CARTPT: variants seen among roughly 807,000 people sequenced by gnomAD.
The protein encoded by CARTPT is CART prepropeptide, also known as cocaine- and amphetamine-regulated transcript protein.
In CARTPT, 6 loss-of-function variants were observed where a neutral mutation model predicts 12.2. That is an observed-to-expected ratio of 0.49 (90% CI 0.27 to 0.97). The LOEUF (loss-of-function observed/expected upper bound fraction) is 0.97. Among genes scored for constraint, CARTPT ranks in the 50% least tolerant of loss-of-function variants. The pLI, the probability that CARTPT is intolerant of heterozygous loss-of-function variation, is 0.12. For missense variants in CARTPT, 135 were observed against 142.0 expected, an observed-to-expected ratio of 0.95 and a Z score of 0.25; for synonymous variants, 75 against 64.1, an observed-to-expected ratio of 1.17 and a Z score of -0.82.
Position 71,719,351 on chromosome 5 carries a change from C to T in CARTPT, c.58C>T (p.Leu20=). ...PLLGAALLLM[L]PLLGTRAQED... Reference sequence around the variant, plus strand: ...CCTGGGCGCCGCCCTGCTGCTGATGCTACCTCTGTTGGGTACCCGTGCCCA... The same window carrying T: ...CCTGGGCGCCGCCCTGCTGCTGATGTTACCTCTGTTGGGTACCCGTGCCCA... Residue 20 remains leucine, a synonymous_variant, in exon 1 of 3, where the codon CTA becomes TTA. Coordinates refer to ENST00000296777, the MANE Select transcript of CARTPT (RefSeq NM_004291.4). 1.2e-6 allele frequency: 2 copies of T among 1,614,034 alleles called. No individual in the cohort carries two copies. The highest frequency in any genetic ancestry group is 1.7e-6 in the Non-Finnish European group (2 of 1,180,016).
In CARTPT at chr5:71,720,552, C is replaced by G. The variant is rs759335439; in HGVS notation, c.288C>G (p.Ile96Met). 1 of 1,613,236 alleles carries G rather than the reference C, an allele frequency of 6.2e-7. No homozygotes were observed. The highest frequency in any genetic ancestry group is 1.1e-5 in the South Asian group (1 of 90,668). Residue 96 changes from isoleucine (I) to methionine (M), a missense_variant, in exon 3 of 3, where the codon ATC becomes ATG. Coordinates refer to ENST00000296777, the MANE Select transcript of CARTPT (RefSeq NM_004291.4). ...EQCAVRKGARIGKLCDCPRGT... is the reference protein window; with the variant it reads ...EQCAVRKGARMGKLCDCPRGT... ...GTGCAGTGAGGAAAGGGGCAAGGAT[C>G]GGGAAGCTGTGTGACTGTCCCCGAG... is the stretch of plus-strand genomic sequence containing the variant.
rs1748691900 is a variant in CARTPT, at chr5:71,720,707, T to TA, written c.*95dup. 2.0e-6 allele frequency: 2 copies of TA among 981,984 alleles called. No homozygotes were observed. Among genetic ancestry groups the TA allele is most frequent in the Non-Finnish European group, 3.2e-6 (2 of 627,384 alleles). 60.8% of individuals were successfully genotyped at this position (981,984 alleles called of 1,614,324 possible). A position where few individuals can be genotyped will look rare whatever the true frequency, so the allele number is the denominator to read the frequency against. On this transcript the variant is annotated 3_prime_UTR_variant, in exon 3 of 3. Coordinates refer to ENST00000296777, the MANE Select transcript of CARTPT (RefSeq NM_004291.4). Reference sequence around the variant, plus strand: ...CCTGGAGTTTGGCTTAAGCAACAGATAAAGTTTTTATTTTCCTCTGAAGGG... The same window carrying TA: ...CCTGGAGTTTGGCTTAAGCAACAGATAAAAGTTTTTATTTTCCTCTGAAGGG...
In CARTPT at chr5:71,719,914, A is replaced by C. The variant is rs1219584287; in HGVS notation, c.194A>C (p.Lys65Thr). The C allele has an allele frequency of 6.2e-7, 1 of 1,614,122 alleles. No homozygotes were observed. Among genetic ancestry groups the C allele is most frequent in the Non-Finnish European group, 8.5e-7 (1 of 1,180,056 alleles). ...CTGCAAGAAGTCTTGAAGAAGCTCA[A>C]GAGTAAACGTGTTCCCATCTATGAG... ...EALQEVLKKLKSKRVPIYEKK... is the reference protein window; with the variant it reads ...EALQEVLKKLTSKRVPIYEKK... Residue 65 changes from lysine to threonine, a missense_variant, in exon 2 of 3, where the codon AAG (lysine) becomes ACG (threonine). Physicochemically the swap from Lys to Thr is moderately conservative, Grantham distance 78 (BLOSUM62 -1). Coordinates refer to ENST00000296777, the MANE Select transcript of CARTPT (RefSeq NM_004291.4).
chr5:71,720,759 A>G lies in CARTPT; in HGVS notation c.*144A>G, dbSNP rs1748693052. On this transcript the variant is annotated 3_prime_UTR_variant, in exon 3 of 3. Coordinates refer to ENST00000296777, the MANE Select transcript of CARTPT (RefSeq NM_004291.4). ...AAGGGCTCTTTTCCTGCTGTTTCAA[A>G]AATAAAAGAACACATTAGATGTTAC... is the stretch of plus-strand genomic sequence containing the variant. 4.2e-6 allele frequency: 3 copies of G among 711,562 alleles called. No individual in the cohort carries two copies. The highest frequency in any genetic ancestry group is 7.6e-6 in the Non-Finnish European group (3 of 393,678). The allele number at this position is 711,562 out of a possible 1,614,324, so 44.1% of individuals were successfully genotyped here.
intron 1 of CARTPT, 127 bp from the exon 2 acceptor site, chr5:71,719,753 G>T: frequency 1.1e-6 from 1 of 897,610 alleles, no homozygotes. Flanking sequence ...CATTCCCTGT[G>T]TCCGCGGAGT....
At chr5:71,720,069 A>G in intron 2 of CARTPT, 106 bp downstream of exon 2, 1 of 1,007,856 alleles carries the variant, frequency 9.9e-7, no homozygotes, top group Non-Finnish European at 1.6e-6. Context: ...TAACTTAGGT[A>G]ATGGGCTTGC....
Position 71,719,961 on chromosome 5 carries a change from A to G in CARTPT, c.241A>G (p.Met81Val), listed in dbSNP as rs1748674057. ...IYEKKYGQVP[M>V]CDAGEQCAVR... The stretch of plus-strand genomic sequence containing the variant: ...TGAGAAGAAGTATGGCCAAGTCCCC[A>G]TGGTAAGGTTTGTGGTCACTCCCTT... Residue 81 changes from methionine to valine, a missense_variant and splice_region_variant, in exon 2 of 3, where the codon ATG becomes GTG. Transcript: ENST00000296777. 6.2e-7 allele frequency: 1 copy of G among 1,613,808 alleles called. No individual in the cohort carries two copies. The highest frequency in any genetic ancestry group is 1.1e-5 in the South Asian group (1 of 91,082).
rs776647375 is a variant in CARTPT at position 71,719,278 on chromosome 5, G to A, written c.-16G>A. On this transcript the variant is annotated 5_prime_UTR_variant, in exon 1 of 3. Transcript: ENST00000296777. The stretch of plus-strand genomic sequence containing the variant: ...TGGGAGCGCGTGGTGCCCCAGCAAC[G>A]ACGAGTTTCAGAACGATGGAGAGCT... 1 of 1,609,582 alleles carries A rather than the reference G, an allele frequency of 6.2e-7. No individual in the cohort carries two copies. Among genetic ancestry groups the A allele is most frequent in the African/African-American group, 1.3e-5 (1 of 75,012 alleles).
rs990164527 is a variant in CARTPT at position 71,720,929 on chromosome 5, G to C, written c.*314G>C. ...ATTTTTGTATGTGGCATGGCAGAAT[G>C]AAAATTAGATCTAGCTAATCTCGGT... On this transcript the variant is annotated 3_prime_UTR_variant, in exon 3 of 3. Coordinates refer to ENST00000296777, the MANE Select transcript of CARTPT (RefSeq NM_004291.4). 5.7e-6 allele frequency: 2 copies of C among 351,788 alleles called. No homozygotes were observed. Among genetic ancestry groups the C allele is most frequent in the Non-Finnish European group, 1.1e-5 (2 of 184,758 alleles). 21.8% of individuals were successfully genotyped at this position (351,788 alleles called of 1,614,324 possible).
chr5:71,719,570 G>A (rs1190680806), intron 1 of CARTPT, 118 bp downstream of exon 1: 2 of 1,280,582 alleles, frequency 1.6e-6, no homozygotes, highest in Non-Finnish European at 2.2e-6. Flanking sequence ...GGGGAGCTGA[G>A]CGCAACGCCC....
At chr5:71,719,642 G>A (rs930769120) in intron 1 of CARTPT, 190 bp downstream of exon 1, 1 of 781,278 alleles carries the variant, frequency 1.3e-6, no homozygotes, top group African/African-American at 1.7e-5. Flanking sequence ...TCTGTTGAGC[G>A]AATCCCTCAT....
In CARTPT at chr5:71,720,949, C is replaced by T. The variant is rs1236096356; in HGVS notation, c.*334C>T. 3.0e-6 allele frequency: 1 copy of T among 337,426 alleles called. No homozygotes were observed. Among genetic ancestry groups the T allele is most frequent in the East Asian group, 7.1e-5 (1 of 14,108 alleles). The allele number at this position is 337,426 out of a possible 1,614,324, so 20.9% of individuals were successfully genotyped here. A position where few individuals can be genotyped will look rare whatever the true frequency, so the allele number is the denominator to read the frequency against. ...AGAATGAAAATTAGATCTAGCTAAT[C>T]TCGGTAGATGTCATTACAACCTGGA... On this transcript the variant is annotated 3_prime_UTR_variant, in exon 3 of 3. Transcript: ENST00000296777.
At chr5:71,719,695 C>T (rs1748667325) in intron 1 of CARTPT, 185 bp from the exon 2 acceptor site, 3 of 753,982 alleles carry the variant, frequency 4.0e-6, no homozygotes, top group Non-Finnish European at 6.8e-6. Flanking sequence ...GCTCAGAGAC[C>T]CGCGGTCAGT....
At chr5:71,720,313 T>C (rs1398064919) in intron 2 of CARTPT, among the ~76,000 whole-genome samples, 195 bp from the exon 3 acceptor site, 3 of 152,178 alleles carry the variant, frequency 2.0e-5, no homozygotes, top group African/African-American at 7.2e-5. Flanking sequence ...TGTAAGTTTC[T>C]TTAAAAAATG....
chr5:71,719,439 A>T lies in CARTPT; in HGVS notation c.146A>T (p.His49Leu), dbSNP rs956790167. ...TACTCTGCCGTGGATGATGCCTCCC[A>T]CGAGAAGGAGCTGGTCGGTATTCCC... ...DIYSAVDDAS[H>L]EKELIEALQE... Residue 49 changes from histidine to leucine, a missense_variant, in exon 1 of 3, where the codon CAC (histidine) becomes CTC (leucine). By Grantham distance (99) the His-to-Leu change is moderately conservative (BLOSUM62 -3). Transcript: ENST00000296777. 50 of 1,613,830 alleles carry T rather than the reference A, an allele frequency of 3.1e-5. No homozygotes were observed. The highest frequency in any genetic ancestry group is 4.1e-5 in the Non-Finnish European group (48 of 1,179,988).
Position 71,719,309 on chromosome 5 carries a change from G to C in CARTPT, c.16G>C (p.Val6Leu). The change falls in exon 1 of 3, where the codon GTG becomes CTG. Residue 6 changes from valine to leucine, a missense_variant. Transcript: ENST00000296777. MESSR[V>L]RLLPLLGAAL... The stretch of plus-strand genomic sequence containing the variant: ...TTTCAGAACGATGGAGAGCTCCCGC[G>C]TGAGGCTGCTGCCCCTCCTGGGCGC... 1.9e-6 allele frequency: 3 copies of C among 1,612,744 alleles called. No individual in the cohort carries two copies. Among genetic ancestry groups the C allele is most frequent in the Non-Finnish European group, 2.5e-6 (3 of 1,180,010 alleles).
intron 2 of CARTPT, 131 bp downstream of exon 2, chr5:71,720,094 T>C (rs191051619): frequency 1.3e-6 from 1 of 794,804 alleles, no homozygotes; most frequent in South Asian, 1.4e-5. Context: ...TTCTGTGGGC[T>C]CCTTCTTCCT....
chr5:71,719,557 C>A, intron 1 of CARTPT, 105 bp downstream of exon 1: 1 of 1,418,276 alleles, frequency 7.1e-7, no homozygotes, highest in Non-Finnish European at 9.8e-7. Context: ...AGAGTCAGGG[C>A]GCGGGGAGCT....
chr5:71,719,805 A>G lies in CARTPT; in HGVS notation c.160-75A>G, dbSNP rs578021691. The G allele has an allele frequency of 8.0e-6, 11 of 1,381,566 alleles. No homozygotes were observed. The African/African-American group carries it at 1.1e-4, about 14-fold the overall frequency. 85.6% of individuals were successfully genotyped at this position (1,381,566 alleles called of 1,614,324 possible). ...TGTGGGTCCGGGGCTCCTTATAACT[A>G]GGGCTGGAAGTGCGCACCTGGGCTG... On this transcript the variant is annotated intron_variant, in intron 1 of 2. Transcript: ENST00000296777.
Sources: gnomAD v4.1 joint callset for allele counts (sites outside exome capture counted in the v4.1 genomes callset) on GRCh38, gnomAD v4.1.1 for gene constraint, MANE v1.5 for transcripts, NCBI Gene and HGNC (gene_info 2026-07-23, HGNC 2026-07-21) for gene names.